NCAM1: variants seen among roughly 807,000 people sequenced by gnomAD.
The protein encoded by NCAM1 is neural cell adhesion molecule 1, also known as antigen recognized by monoclonal antibody 5.1H11.
In NCAM1, 14 loss-of-function variants were observed where a neutral mutation model predicts 109.8. The observed-to-expected ratio is 0.13, with a 90% CI of 0.08 to 0.20. NCAM1 has a LOEUF of 0.20. NCAM1 is among the 10% of genes least tolerant of loss of function. The pLI is 1.00. For missense variants in NCAM1, 774 were observed against 1,109.9 expected, an observed-to-expected ratio of 0.70 and a Z score of 4.30; for synonymous variants, 418 against 442.9, an observed-to-expected ratio of 0.94 and a Z score of 0.70.
At chr11:113,037,796 C>G (rs180742543) in intron 1 of NCAM1, among the ~76,000 whole-genome samples, 10 of 152,202 alleles carry the variant, frequency 6.6e-5, no homozygotes, top group Non-Finnish European at 1.5e-4. Flanking sequence ...GTTGACATGT[C>G]TCTTGTACTG....
intron 1 of NCAM1, among the ~76,000 whole-genome samples, chr11:113,137,873 T>A (rs1555099757): frequency 6.6e-6 from 1 of 152,200 alleles, no homozygotes; most frequent in South Asian, 2.1e-4. Flanking sequence ...ATCATTCTTG[T>A]TCTCTGTTTA....
At chr11:113,087,951 A>G (rs1388049220) in intron 1 of NCAM1, among the ~76,000 whole-genome samples, 1 of 152,190 alleles carries the variant, frequency 6.6e-6, no homozygotes, top group African/African-American at 2.4e-5. Flanking sequence ...AGGCCAGTGC[A>G]GTGTTCTTTT....
At chr11:113,196,522 T>A (rs1305831460) in intron 1 of NCAM1, among the ~76,000 whole-genome samples, 1 of 152,182 alleles carries the variant, frequency 6.6e-6, no homozygotes, top group Non-Finnish European at 1.5e-5. Flanking sequence ...TTACTAGAGG[T>A]TAATTAAGAA....
Position 113,233,552 on chromosome 11 carries a change from A to T in NCAM1, c.1693+235A>T, listed in dbSNP as rs1945073969. Among the ~76,000 whole-genome samples the T allele has an allele frequency of 6.6e-6, 1 of 152,188 alleles. No homozygotes were observed. The highest frequency in any genetic ancestry group is 1.5e-5 in the Non-Finnish European group (1 of 68,032). On this transcript the variant is annotated intron_variant, in intron 13 of 19. Coordinates refer to ENST00000316851, the MANE Select transcript of NCAM1 (RefSeq NM_181351.5). The surrounding 1 kb of genome is among the most constrained non-coding windows in gnomAD (Gnocchi z 4.5). ...GTATGGATGAAGGCATCTGTACCAC[A>T]TTCCAGGCAGGAACCTTGTGTAGGT...
At chr11:113,101,375 G>A (rs924747454) in intron 1 of NCAM1, among the ~76,000 whole-genome samples, 4 of 152,176 alleles carry the variant, frequency 2.6e-5, no homozygotes, top group Non-Finnish European at 5.9e-5. Context: ...ACCGCTGAGC[G>A]TGTGACCTTG....
At chr11:113,242,234 G>T (rs1555119250) in intron 14 of NCAM1, among the ~76,000 whole-genome samples, 1 of 152,228 alleles carries the variant, frequency 6.6e-6, no homozygotes, top group African/African-American at 2.4e-5. Flanking sequence ...AAGAATAAAT[G>T]AGAGTTATGT....
At chr11:113,181,363 C>T (rs986776865) in intron 1 of NCAM1, among the ~76,000 whole-genome samples, 2 of 152,126 alleles carry the variant, frequency 1.3e-5, no homozygotes, top group Admixed American at 1.3e-4. Context: ...GGTCTAAATA[C>T]CTGCTTTGAG....
intron 14 of NCAM1, chr11:113,246,044 T>G (rs1201371789): frequency 4.8e-6 from 2 of 416,314 alleles, no homozygotes; most frequent in Non-Finnish European, 8.6e-6. Context: ...ATATGTAGTG[T>G]TGCAGCCGTA....
chr11:113,119,929 C>T (rs1236277416), intron 1 of NCAM1, among the ~76,000 whole-genome samples: 1 of 152,182 alleles, frequency 6.6e-6, no homozygotes, highest in African/African-American at 2.4e-5. Context: ...TTCATGATGA[C>T]AAAATACTTA....
chr11:113,111,559 G>A (rs1318074104), intron 1 of NCAM1, among the ~76,000 whole-genome samples: 1 of 152,176 alleles, frequency 6.6e-6, no homozygotes, highest in Non-Finnish European at 1.5e-5. Context: ...TTAGAGTAAT[G>A]GAAGCGTTCT....
intron 1 of NCAM1, among the ~76,000 whole-genome samples, chr11:113,021,402 A>G (rs1952380511): frequency 6.6e-6 from 1 of 152,218 alleles, no homozygotes; most frequent in African/African-American, 2.4e-5. Flanking sequence ...GTCTAGAGAC[A>G]TGTTTGGAAG....
intron 1 of NCAM1, among the ~76,000 whole-genome samples, chr11:113,136,818 C>T (rs1406929968): frequency 6.6e-6 from 1 of 152,036 alleles, no homozygotes; most frequent in Non-Finnish European, 1.5e-5. Flanking sequence ...AAAGGGAAGG[C>T]CGGCAATAGA....
chr11:113,009,330 T>TG (rs1565379729), intron 1 of NCAM1, among the ~76,000 whole-genome samples: 4 of 140,578 alleles, frequency 2.8e-5, no homozygotes, highest in African/African-American at 1.1e-4. Context: ...TTTTTTTTTT[T>TG]TTTTTTTTTT....
chr11:113,086,663 T>A lies in NCAM1; in HGVS notation c.53-115716T>A, dbSNP rs1257703033. Among the ~76,000 whole-genome samples, 6 of 152,162 alleles carry A rather than the reference T, an allele frequency of 3.9e-5. No individual in the cohort carries two copies. In the East Asian group the frequency reaches 1.2e-3, roughly 29 times the overall value. ...CACCTCTAAAAGTGTCAGCCACACA[T>A]TTTGGTTTGCCATGTTACTTTGCAC... On this transcript the variant is annotated intron_variant, in intron 1 of 19. Transcript: ENST00000316851.
chr11:113,045,233 CCT>C (rs1372340406), intron 1 of NCAM1, among the ~76,000 whole-genome samples: 3 of 152,146 alleles, frequency 2.0e-5, no homozygotes, highest in African/African-American at 4.8e-5. Context: ...GTTTGTTTCC[CCT>C]GTCAGTAAGA....
chr11:113,240,005 A>C (rs1555118887), intron 14 of NCAM1, among the ~76,000 whole-genome samples: 1 of 152,256 alleles, frequency 6.6e-6, no homozygotes, highest in Non-Finnish European at 1.5e-5. Flanking sequence ...CCAAAGATCC[A>C]TTCAGTGTCC....
chr11:113,193,122 A>AT (rs1198976692), intron 1 of NCAM1, among the ~76,000 whole-genome samples: 45 of 151,946 alleles, frequency 3.0e-4, no homozygotes, highest in East Asian at 1.7e-3. Context: ...GATACTTCTG[A>AT]TTTTTTTTGC....
At chr11:113,190,626 C>T (rs1469093395) in intron 1 of NCAM1, among the ~76,000 whole-genome samples, 1 of 152,200 alleles carries the variant, frequency 6.6e-6, no homozygotes, top group Non-Finnish European at 1.5e-5. Context: ...GGGACAGCTT[C>T]TCATTTGTTC....
chr11:113,105,036 G>C (rs1474964020), intron 1 of NCAM1, among the ~76,000 whole-genome samples: 1 of 152,252 alleles, frequency 6.6e-6, no homozygotes, highest in African/African-American at 2.4e-5. Flanking sequence ...TCTGCTTCAG[G>C]CATTAGAGAG....
Sources: gnomAD v4.1 joint callset for allele counts (sites outside exome capture counted in the v4.1 genomes callset) on GRCh38, gnomAD v4.1.1 for gene constraint, Gnocchi (gnomAD v3.1) non-coding constraint, MANE v1.5 for transcripts, NCBI Gene and HGNC (gene_info 2026-07-23, HGNC 2026-07-21) for gene names.